The following CTNNA3 variants were observed in gnomAD, a reference collection of about 807,000 sequenced individuals.
The protein encoded by CTNNA3 is catenin alpha 3.
CTNNA3 carries 76 observed loss-of-function variants against 95.7 expected under a neutral mutation model. That is an observed-to-expected ratio of 0.79 (90% CI 0.66 to 0.96). CTNNA3 has a LOEUF of 0.96. Ranked by LOEUF, CTNNA3 falls within the 40% of genes least tolerant of loss-of-function variation. CTNNA3 has a pLI of 0.00. For synonymous variants in CTNNA3, 431 were observed against 374.4 expected (o/e 1.15, Z -1.74); for missense variants, 1,191 against 1,089.8 (o/e 1.09, Z -1.31).
intron 1 of CTNNA3, among the ~76,000 whole-genome samples, chr10:67,711,629 T>C (rs962744908): frequency 6.6e-6 from 1 of 151,728 alleles, no homozygotes; most frequent in Non-Finnish European, 1.5e-5. Flanking sequence ...CATGTGCACA[T>C]TGTGCAGGTT....
chr10:67,720,633 T>G lies in CTNNA3; in HGVS notation c.-2+42801A>C, dbSNP rs146214103. 2.5e-3 allele frequency among the ~76,000 whole-genome samples: 374 copies of G among 152,268 alleles called. 2 individuals are homozygous for G. The highest frequency in any genetic ancestry group is 8.4e-3 in the African/African-American group (351 of 41,566). On this transcript the variant is annotated intron_variant, in intron 1 of 17. Transcript: ENST00000684154. Reference sequence around the variant, plus strand: ...TTATGAAGCTTAGGTTGGCTAGATATGAAATTCTGAGTTGAAAATTCTTTT... The same window carrying G: ...TTATGAAGCTTAGGTTGGCTAGATAGGAAATTCTGAGTTGAAAATTCTTTT...
At chr10:66,388,821 A>C (rs2092913822) in intron 11 of CTNNA3, among the ~76,000 whole-genome samples, 1 of 152,124 alleles carries the variant, frequency 6.6e-6, no homozygotes, top group Non-Finnish European at 1.5e-5. Flanking sequence ...CAAAGTTTGT[A>C]TTACTGTGAC....
chr10:67,528,986 A>G (rs1432548247), intron 4 of CTNNA3, among the ~76,000 whole-genome samples: 1 of 152,222 alleles, frequency 6.6e-6, no homozygotes, highest in Non-Finnish European at 1.5e-5. Context: ...CCAATAAATT[A>G]TATACATGAA....
At chr10:66,873,579 G>A (rs1844499152) in intron 7 of CTNNA3, among the ~76,000 whole-genome samples, 1 of 151,680 alleles carries the variant, frequency 6.6e-6, no homozygotes, top group Admixed American at 6.6e-5. Context: ...GTTTTTGCTT[G>A]TTTCAAAGAA....
chr10:65,965,016 G>A (rs550217770), intron 17 of CTNNA3, among the ~76,000 whole-genome samples: 1 of 152,274 alleles, frequency 6.6e-6, no homozygotes, highest in Non-Finnish European at 1.5e-5. Context: ...TCTGAAAAGT[G>A]ACAGGGCACT....
intron 17 of CTNNA3, among the ~76,000 whole-genome samples, chr10:65,964,958 C>T (rs191236347): frequency 7.9e-5 from 12 of 152,210 alleles, no homozygotes; most frequent in Non-Finnish European, 1.3e-4. Flanking sequence ...TCTATACACA[C>T]GCATGTTCCT....
intron 5 of CTNNA3, among the ~76,000 whole-genome samples, chr10:67,493,472 G>C (rs1201812880): frequency 6.6e-6 from 1 of 151,052 alleles, no homozygotes; most frequent in African/African-American, 2.4e-5. Context: ...TGAGGCAGGG[G>C]AATGGCGTGA....
chr10:66,593,134 G>A (rs1843606248), intron 10 of CTNNA3, among the ~76,000 whole-genome samples: 1 of 152,136 alleles, frequency 6.6e-6, no homozygotes, highest in South Asian at 2.1e-4. Context: ...CATTGCATCA[G>A]CATTATGTAA....
chr10:66,947,309 AC>A (rs1187835310), intron 7 of CTNNA3, among the ~76,000 whole-genome samples: 8 of 152,164 alleles, frequency 5.3e-5, no homozygotes, highest in Non-Finnish European at 1.2e-4. Flanking sequence ...CTGAGGTCCC[AC>A]TATATTAAAG....
At chr10:67,294,299 G>C (rs1839953056) in intron 5 of CTNNA3, among the ~76,000 whole-genome samples, 1 of 152,092 alleles carries the variant, frequency 6.6e-6, no homozygotes. Context: ...ATAGACACAA[G>C]ATATAGGTGG....
intron 9 of CTNNA3, among the ~76,000 whole-genome samples, chr10:66,716,146 A>G (rs1848442530): frequency 1.3e-5 from 2 of 152,068 alleles, no homozygotes; most frequent in South Asian, 2.1e-4. Context: ...ATATAGACAA[A>G]TGTAGGAGTA....
At position 67,396,784 on chromosome 10, in the gene CTNNA3, A is replaced by G. The variant is rs1383019102; in HGVS notation, c.579+125058T>C. On this transcript the variant is annotated intron_variant, in intron 5 of 17. Transcript: ENST00000433211. ...TCATGGGAGGGACACGGTGGGAGGT[A>G]ATTGAATCGTGGGGGCAGTTACCCC... is the stretch of plus-strand genomic sequence containing the variant. Among the ~76,000 whole-genome samples, 3 of 90,620 alleles carry G rather than the reference A, an allele frequency of 3.3e-5. No individual in the cohort carries two copies. The East Asian group carries it at 9.8e-4, about 30-fold the overall frequency. 59.5% of individuals were successfully genotyped at this position (90,620 alleles called of 152,430 possible). A position where few individuals can be genotyped will look rare whatever the true frequency, so the allele number is the denominator to read the frequency against.
rs1342632666 is a variant in CTNNA3 at position 67,745,091 on chromosome 10, G to T, written c.-2+18343C>A. 3.9e-5 allele frequency among the ~76,000 whole-genome samples: 6 copies of T among 152,160 alleles called. 1 individual carries two copies. Among genetic ancestry groups the T allele is most frequent in the African/African-American group, 1.4e-4 (6 of 41,426 alleles). On this transcript the variant is annotated intron_variant, in intron 1 of 17. Transcript: ENST00000684154. The stretch of plus-strand genomic sequence containing the variant: ...GTAAACTACTTCAACCATTGTGGAA[G>T]TCAGTGTGGCGATTCCTCAGGGATC...
chr10:67,504,200 C>G (rs1458110524), intron 5 of CTNNA3, among the ~76,000 whole-genome samples: 2 of 147,946 alleles, frequency 1.4e-5, no homozygotes, highest in African/African-American at 5.0e-5. Context: ...TGCCTGTAAT[C>G]CCAGAACTTG....
intron 5 of CTNNA3, among the ~76,000 whole-genome samples, chr10:67,302,849 T>C (rs1840381161): frequency 6.6e-6 from 1 of 152,198 alleles, no homozygotes; most frequent in South Asian, 2.1e-4. Context: ...ATTAAACAGA[T>C]GGTATAACCA....
chr10:65,939,581 C>T (rs529385995), intron 17 of CTNNA3, among the ~76,000 whole-genome samples: 1 of 152,152 alleles, frequency 6.6e-6, no homozygotes, highest in Admixed American at 6.5e-5. Context: ...TTCTCCTATC[C>T]TTGACACTTT....
At chr10:67,480,729 CTCTGTT>C (rs1441180160) in intron 5 of CTNNA3, among the ~76,000 whole-genome samples, 1 of 152,160 alleles carries the variant, frequency 6.6e-6, no homozygotes, top group Non-Finnish European at 1.5e-5. Context: ...GTGGGTCAAA[CTCTGTT>C]TGAGGCTCTC....
rs1554890349 is a variant in CTNNA3, at chr10:66,978,552, A to AATATATATATATATATAT, written c.1047+201747_1047+201764dup. Among the ~76,000 whole-genome samples, 106 of 37,844 alleles carry AATATATATATATATATAT rather than the reference A, an allele frequency of 2.8e-3. 1 individual carries two copies. The highest frequency in any genetic ancestry group is 7.0e-3 in the African/African-American group (81 of 11,504). 24.8% of individuals were successfully genotyped at this position (37,844 alleles called of 152,430 possible). ...AAAAAAAAAAAAAAAAAAAAAAAAA[A>AATATATATATATATATAT]ATATATATATATATATATAGTATGG... On this transcript the variant is annotated intron_variant, in intron 7 of 17. Transcript: ENST00000433211.
At chr10:66,120,603 G>T (rs1473205571) in intron 13 of CTNNA3, among the ~76,000 whole-genome samples, 1 of 152,024 alleles carries the variant, frequency 6.6e-6, no homozygotes, top group Non-Finnish European at 1.5e-5. Context: ...AAAGCATTAT[G>T]ATTATAAATA....
Sources: allele counts gnomAD v4.1 joint callset (sites outside exome capture counted in the v4.1 genomes callset), GRCh38; gene constraint gnomAD v4.1.1; transcripts MANE v1.5; gene names NCBI Gene and HGNC (gene_info 2026-07-23, HGNC 2026-07-21).